The following CETN3 variants were observed in gnomAD, a reference collection of about 807,000 sequenced individuals.
CETN3 encodes centrin 3.
A neutral mutation model predicts 20.1 loss-of-function variants in CETN3; 17 were observed. The observed-to-expected ratio is 0.85, with a 90% CI of 0.58 to 1.27. The LOEUF is 1.27. Among genes scored for constraint, CETN3 ranks in the 50% most tolerant of loss-of-function variants. The pLI, the probability that CETN3 is intolerant of heterozygous loss-of-function variation, is 0.00. For synonymous variants in CETN3, 52 were observed against 59.7 expected (o/e 0.87, Z 0.59); for missense variants, 169 against 191.2 (o/e 0.88, Z 0.69).
intron 3 of CETN3, among the ~76,000 whole-genome samples, chr5:90,403,688 G>A (rs1423260336): frequency 6.6e-6 from 1 of 150,886 alleles, no homozygotes; most frequent in Non-Finnish European, 1.5e-5. Context: ...CGGCTAAAAC[G>A]GTGAAACCCC....
chr5:90,403,124 T>C (rs1749343248), intron 3 of CETN3, among the ~76,000 whole-genome samples: 1 of 152,180 alleles, frequency 6.6e-6, no homozygotes, highest in African/African-American at 2.4e-5. Context: ...ATTTTAAAGC[T>C]TTTTTCCAGT....
intron 4 of CETN3, 51 bp from the exon 5 acceptor site, chr5:90,394,158 T>C: frequency 7.8e-7 from 1 of 1,280,216 alleles, no homozygotes; most frequent in Non-Finnish European, 1.1e-6. Flanking sequence ...ATTTTATTTT[T>C]TCAGAATCCA....
intron 3 of CETN3, among the ~76,000 whole-genome samples, chr5:90,404,974 C>T (rs888748855): frequency 2.0e-5 from 3 of 152,046 alleles, no homozygotes; most frequent in Admixed American, 6.6e-5. Context: ...CCGGACTCTT[C>T]TATTTTGAAA....
intron 3 of CETN3, among the ~76,000 whole-genome samples, chr5:90,403,370 G>C (rs1030022621): frequency 3.3e-5 from 5 of 152,130 alleles, no homozygotes; most frequent in Non-Finnish European, 5.9e-5. Context: ...TTTGACACCT[G>C]GTACTCTCCA....
intron 1 of CETN3, 114 bp from the exon 2 acceptor site, chr5:90,407,948 G>A (rs750173643): frequency 1.1e-6 from 1 of 887,734 alleles, no homozygotes; most frequent in Non-Finnish European, 1.6e-6. Flanking sequence ...AGAAAGATAG[G>A]GAAACTTTCC....
chr5:90,409,163 C>A (rs532462345), intron 1 of CETN3, among the ~76,000 whole-genome samples: 1 of 152,240 alleles, frequency 6.6e-6, no homozygotes, highest in South Asian at 2.1e-4. Context: ...CAATTAAAGT[C>A]ACTAAAATGG....
At chr5:90,400,179 T>C (rs1230272848) in intron 3 of CETN3, among the ~76,000 whole-genome samples, 1 of 152,286 alleles carries the variant, frequency 6.6e-6, no homozygotes, top group South Asian at 2.1e-4. Context: ...CAAATCTGAC[T>C]ATAGCAGGAA....
At position 90,393,761 on chromosome 5, in the gene CETN3, T is replaced by C. The variant is rs556678627; in HGVS notation, c.*303A>G. 3 of 188,178 alleles carry C rather than the reference T, an allele frequency of 1.6e-5. No individual in the cohort carries two copies. The highest frequency in any genetic ancestry group is 6.1e-5 in the Admixed American group (1 of 16,438). The allele number at this position is 188,178 out of a possible 1,614,324, so 11.7% of individuals were successfully genotyped here. ...TTTATTAACGAAAGTCTGGAAAATG[T>C]GTGCACTAAAAAGTGACTATAAATG... is the stretch of plus-strand genomic sequence containing the variant. On this transcript the variant is annotated 3_prime_UTR_variant, in exon 5 of 5. Transcript: ENST00000283122.
chr5:90,396,497 A>G (rs1749139628), intron 4 of CETN3: 1 of 1,532,572 alleles, frequency 6.5e-7, no homozygotes, highest in African/African-American at 1.4e-5. Flanking sequence ...GTGCACCTTC[A>G]CTGAAGAACT....
At chr5:90,408,963 C>A (rs1184064123) in intron 1 of CETN3, among the ~76,000 whole-genome samples, 2 of 152,064 alleles carry the variant, frequency 1.3e-5, no homozygotes, top group Non-Finnish European at 2.9e-5. Context: ...AACCGACCCA[C>A]CCCTGACCCC....
intron 4 of CETN3, among the ~76,000 whole-genome samples, chr5:90,395,313 T>A (rs955330734): frequency 4.6e-5 from 7 of 152,188 alleles, no homozygotes; most frequent in Non-Finnish European, 1.0e-4. Context: ...AGAAAGATAT[T>A]ATATGATATT....
intron 4 of CETN3, among the ~76,000 whole-genome samples, chr5:90,397,140 C>A (rs1217613708): frequency 2.6e-5 from 4 of 152,052 alleles, no homozygotes; most frequent in Non-Finnish European, 4.4e-5. Context: ...CAAGGGACAA[C>A]TGAATTCCAT....
At chr5:90,405,450 G>C (rs1033634831) in intron 3 of CETN3, 21 of 487,594 alleles carry the variant, frequency 4.3e-5, no homozygotes, top group Non-Finnish European at 7.1e-5. Flanking sequence ...CTACACAATA[G>C]TTCCTTGGTT....
chr5:90,402,076 TCCTGTGAGCGAG>T (rs1443622349), intron 3 of CETN3, among the ~76,000 whole-genome samples: 3 of 152,142 alleles, frequency 2.0e-5, no homozygotes, highest in African/African-American at 7.2e-5. Flanking sequence ...GGTCTCAAAC[TCCTGTGAGCGAG>T]CAATCCTCCC....
At chr5:90,408,919 T>G (rs1275375619) in intron 1 of CETN3, among the ~76,000 whole-genome samples, 1 of 152,066 alleles carries the variant, frequency 6.6e-6, no homozygotes, top group Non-Finnish European at 1.5e-5. Flanking sequence ...GGGTCAGTCT[T>G]TTCCTTCCTG....
At chr5:90,396,674 T>C (rs1294361543) in intron 4 of CETN3, 8 of 710,824 alleles carry the variant, frequency 1.1e-5, no homozygotes, top group Non-Finnish European at 1.4e-5. Context: ...AAAGTACTTG[T>C]TACTTAAAGA....
At position 90,401,476 on chromosome 5, in the gene CETN3, C is replaced by T. The variant is rs142652030; in HGVS notation, c.269-1927G>A. 7.1e-3 allele frequency among the ~76,000 whole-genome samples: 1,076 copies of T among 152,230 alleles called. 11 individuals carry two copies. Among genetic ancestry groups the T allele is most frequent in the African/African-American group, 0.025 (1,020 of 41,530 alleles). ...ACTGTATTTTCAAATGATTTAATTA[C>T]ACATACTATCAGAAATGTACTTCAT... On this transcript the variant is annotated intron_variant, in intron 3 of 4. Transcript: ENST00000283122.
chr5:90,406,761 T>C (rs901930297), intron 2 of CETN3, among the ~76,000 whole-genome samples: 2 of 140,304 alleles, frequency 1.4e-5, no homozygotes, highest in African/African-American at 2.7e-5. Context: ...GCTCCAGGTA[T>C]GAAATAAGGT....
rs754910769 is a variant in CETN3 at position 90,409,647 on chromosome 5, C to G, written c.15G>C (p.Leu5=). MSLA[L]RSELVVDKTK... is the part of the protein sequence containing the mutation. The stretch of plus-strand genomic sequence containing the variant: ...ACTGCCGCCTCCTTATTACCGACCT[C>G]AGAGCTAAACTCATTATCTCTTCGC... The change falls in exon 1 of 5, where the codon CTG becomes CTC. Residue 5 remains leucine, a splice_region_variant and synonymous_variant. Coordinates refer to ENST00000283122, the MANE Select transcript of CETN3 (RefSeq NM_004365.4). 4 of 1,614,040 alleles carry G rather than the reference C, an allele frequency of 2.5e-6. No homozygotes were observed. Among genetic ancestry groups the G allele is most frequent in the Non-Finnish European group, 3.4e-6 (4 of 1,180,018 alleles).
Sources: allele counts gnomAD v4.1 joint callset (sites outside exome capture counted in the v4.1 genomes callset), GRCh38; gene constraint gnomAD v4.1.1; transcripts MANE v1.5; gene names NCBI Gene and HGNC (gene_info 2026-07-23, HGNC 2026-07-21).